Variants in TSHZ2 observed in about 807,000 individuals in gnomAD.
The protein encoded by TSHZ2 is teashirt homolog 2.
A neutral mutation model predicts 74.4 loss-of-function variants in TSHZ2; 21 were observed. The ratio of observed to expected loss-of-function variants is 0.28; its 90% CI spans 0.20 to 0.41. TSHZ2 has a LOEUF of 0.41. Ranked by LOEUF, TSHZ2 falls within the 10% of genes least tolerant of loss-of-function variation. TSHZ2 has a pLI of 1.00. For missense variants in TSHZ2, 1,244 were observed against 1,293.5 expected, an observed-to-expected ratio of 0.96 and a Z score of 0.59; for synonymous variants, 540 against 515.3, an observed-to-expected ratio of 1.05 and a Z score of -0.65.
chr20:53,276,058 G>A (rs1449898794), intron 2 of TSHZ2, among the ~76,000 whole-genome samples: 1 of 152,214 alleles, frequency 6.6e-6, no homozygotes, highest in African/African-American at 2.4e-5. Flanking sequence ...TCTCATCCAA[G>A]GAGAGAGTTG....
At chr20:53,405,295 GT>G in intron 2 of TSHZ2, among the ~76,000 whole-genome samples, 1 of 151,284 alleles carries the variant, frequency 6.6e-6, no homozygotes, top group East Asian at 1.9e-4. Context: ...GAAACTTGTT[GT>G]AACTTGAAGT....
At chr20:53,236,989 G>T (rs1015618196) in intron 1 of TSHZ2, among the ~76,000 whole-genome samples, 1 of 152,178 alleles carries the variant, frequency 6.6e-6, no homozygotes, top group African/African-American at 2.4e-5. Flanking sequence ...TTTGCATGGG[G>T]ACACAGAGCC....
Position 53,254,637 on chromosome 20 carries a change from G to A in TSHZ2, c.1179G>A (p.Gln393=), listed in dbSNP as rs748117900. 2 of 1,614,138 alleles carry A rather than the reference G, an allele frequency of 1.2e-6. No individual in the cohort carries two copies. Among genetic ancestry groups the A allele is most frequent in the South Asian group, 2.2e-5 (2 of 91,076 alleles). The part of the protein sequence containing the change: ...MECGSSHDTL[Q]QLTTHMMVTG... ...GTGGGAGCTCCCATGACACCTTGCAGCAGCTCACCACCCACATGATGGTCA... is the reference window on the plus strand; with the variant it reads ...GTGGGAGCTCCCATGACACCTTGCAACAGCTCACCACCCACATGATGGTCA... The change falls in exon 2 of 3, where the codon CAG becomes CAA. Residue 393 remains glutamine (Q), a synonymous_variant. Coordinates refer to ENST00000371497, the MANE Select transcript of TSHZ2 (RefSeq NM_173485.6).
At chr20:53,250,358 C>G (rs1466760066) in intron 1 of TSHZ2, among the ~76,000 whole-genome samples, 3 of 152,228 alleles carry the variant, frequency 2.0e-5, no homozygotes, top group African/African-American at 7.2e-5. Flanking sequence ...GAGAGAGACA[C>G]TGATACTCAT....
chr20:53,204,283 CATGATGATATGATACTATATCATCAT>C (rs1568811068), intron 1 of TSHZ2, among the ~76,000 whole-genome samples: 25 of 56,726 alleles, frequency 4.4e-4, no homozygotes, highest in Non-Finnish European at 6.3e-4. Flanking sequence ...CATCATATAA[CATGATGATATGATACTATATCATCAT>C]ATAACATGAT....
intron 1 of TSHZ2, among the ~76,000 whole-genome samples, chr20:53,233,103 T>A: frequency 6.7e-6 from 1 of 149,870 alleles, no homozygotes; most frequent in East Asian, 1.9e-4. Context: ...AGCTTCCAAC[T>A]GCCCCCTGGC....
chr20:53,274,851 G>A (rs6097326), intron 2 of TSHZ2, among the ~76,000 whole-genome samples: 27,097 of 151,926 alleles, frequency 0.18, 2,760 homozygotes, highest in African/African-American at 0.28. Context: ...AGATGGGCAC[G>A]TTGAATACTC....
chr20:53,374,722 AT>A (rs1234312169), intron 2 of TSHZ2, among the ~76,000 whole-genome samples: 14 of 152,022 alleles, frequency 9.2e-5, no homozygotes, highest in African/African-American at 3.4e-4. Flanking sequence ...TTTGGGTTTG[AT>A]TTGCGTTTCC....
intron 1 of TSHZ2, among the ~76,000 whole-genome samples, chr20:53,118,532 G>A (rs1470951083): frequency 6.6e-6 from 1 of 152,210 alleles, no homozygotes; most frequent in Admixed American, 6.5e-5. Context: ...TGAAGCACAG[G>A]CAGAGGGCTC....
At chr20:53,301,850 A>G (rs1238831876) in intron 2 of TSHZ2, among the ~76,000 whole-genome samples, 2 of 152,174 alleles carry the variant, frequency 1.3e-5, no homozygotes, top group African/African-American at 4.8e-5. Flanking sequence ...GGAGAAAAGT[A>G]TATGTTTGAA....
At chr20:53,177,254 A>G (rs1568796437) in intron 1 of TSHZ2, among the ~76,000 whole-genome samples, 1 of 151,930 alleles carries the variant, frequency 6.6e-6, no homozygotes, top group Non-Finnish European at 1.5e-5. Flanking sequence ...TCCCAGGAAA[A>G]CCTCTGTCCT....
At chr20:52,995,966 T>C (rs1448058445) in intron 1 of TSHZ2, among the ~76,000 whole-genome samples, 1 of 152,200 alleles carries the variant, frequency 6.6e-6, no homozygotes, top group East Asian at 1.9e-4. Context: ...TTATTTAACC[T>C]TCTAAGCCCC....
intron 1 of TSHZ2, among the ~76,000 whole-genome samples, chr20:53,140,802 A>C (rs989408167): frequency 1.3e-5 from 2 of 152,058 alleles, no homozygotes; most frequent in African/African-American, 4.8e-5. Flanking sequence ...TCACTCTGGG[A>C]AGAGGGAGAG....
chr20:53,435,569 A>T (rs1392667336), intron 2 of TSHZ2, among the ~76,000 whole-genome samples: 1 of 152,220 alleles, frequency 6.6e-6, no homozygotes, highest in Non-Finnish European at 1.5e-5. Context: ...GCTGGAGTGC[A>T]GTGGCGCGAT....
rs117120665 is a variant in TSHZ2 at position 53,320,272 on chromosome 20, C to T, written c.*8+63701C>T. 9.2e-5 allele frequency among the ~76,000 whole-genome samples: 14 copies of T among 152,280 alleles called. No individual in the cohort carries two copies. The East Asian group carries it at 2.3e-3, about 25-fold the overall frequency. The stretch of plus-strand genomic sequence containing the variant: ...GTTTTTTCAAATGAGGAAACTGAGG[C>T]ATAGGGAGGTTGAGTAACTTGCCCA... On this transcript the variant is annotated intron_variant, in intron 2 of 2. Transcript: ENST00000371497.
intron 1 of TSHZ2, among the ~76,000 whole-genome samples, chr20:53,062,049 C>T (rs1984839167): frequency 6.6e-6 from 1 of 152,066 alleles, no homozygotes; most frequent in African/African-American, 2.4e-5. Flanking sequence ...ATATATCTTC[C>T]AAGAAATCTC....
At chr20:53,069,697 A>T (rs968805666) in intron 1 of TSHZ2, among the ~76,000 whole-genome samples, 2 of 83,432 alleles carry the variant, frequency 2.4e-5, no homozygotes, top group Non-Finnish European at 5.9e-5. Flanking sequence ...ACACACACAC[A>T]CACACACACA....
intron 2 of TSHZ2, among the ~76,000 whole-genome samples, chr20:53,455,764 T>C (rs936464017): frequency 6.8e-6 from 1 of 146,190 alleles, no homozygotes; most frequent in Non-Finnish European, 1.5e-5. Context: ...CCTGTGTCCA[T>C]GTGATCTCAT....
intron 1 of TSHZ2, among the ~76,000 whole-genome samples, chr20:52,994,154 G>T (rs1234765045): frequency 6.6e-6 from 1 of 152,094 alleles, no homozygotes; most frequent in Non-Finnish European, 1.5e-5. Context: ...TTGTTTTCCG[G>T]CCCCTGTGCT....
Sources: allele counts gnomAD v4.1 joint callset (sites outside exome capture counted in the v4.1 genomes callset), GRCh38; gene constraint gnomAD v4.1.1; transcripts MANE v1.5; gene names NCBI Gene and HGNC (gene_info 2026-07-23, HGNC 2026-07-21).